Variants in LGR4 observed in about 807,000 individuals in gnomAD.
LGR4 encodes leucine-rich repeat-containing G protein-coupled receptor 4.
In LGR4, 44 loss-of-function variants were observed where a neutral mutation model predicts 84.8. That is an observed-to-expected ratio of 0.52 (90% confidence interval 0.41 to 0.67). LGR4 has a LOEUF of 0.67. Among genes scored for constraint, LGR4 ranks in the 30% least tolerant of loss-of-function variants. The pLI is 0.00. For synonymous variants in LGR4, 429 were observed against 434.3 expected (o/e 0.99, Z 0.15); for missense variants, 1,032 against 1,131.4 (o/e 0.91, Z 1.26).
chr11:27,371,670 G>A lies in LGR4; in HGVS notation c.1524C>T (p.Ser508=). ...GACTATGTTCTTCATTTTCAAGAGTGCTTGTGACATTTGCTGCATCAGCAG... is the reference window on the plus strand; with the variant it reads ...GACTATGTTCTTCATTTTCAAGAGTACTTGTGACATTTGCTGCATCAGCAG... ...KGTADAANVT[S]TLENEEHSQI... The change falls in exon 17 of 18, where the codon AGC becomes AGT. Residue 508 remains serine (S), a synonymous_variant. Transcript: ENST00000379214. 4.3e-6 allele frequency: 7 copies of A among 1,612,914 alleles called. No homozygotes were observed. The highest frequency in any genetic ancestry group is 5.1e-6 in the Non-Finnish European group (6 of 1,179,270).
intron 1 of LGR4, among the ~76,000 whole-genome samples, chr11:27,436,305 C>T (rs990098896): frequency 2.3e-5 from 3 of 132,522 alleles, no homozygotes; most frequent in Non-Finnish European, 4.7e-5. Flanking sequence ...ATCACTACAC[C>T]ATAATGCAAA....
chr11:27,375,388 G>T (rs1469180266), intron 13 of LGR4, among the ~76,000 whole-genome samples: 7 of 151,994 alleles, frequency 4.6e-5, no homozygotes, highest in African/African-American at 1.7e-4. Context: ...GATAGTGAGT[G>T]GCAAGGTTTG....
At chr11:27,409,537 AG>A (rs1415365051) in intron 2 of LGR4, among the ~76,000 whole-genome samples, 14 of 152,112 alleles carry the variant, frequency 9.2e-5, no homozygotes, top group Admixed American at 8.5e-4. Context: ...AATGGCACCC[AG>A]TTATTCAGGG....
chr11:27,470,955 T>G (rs1447828738), intron 1 of LGR4, among the ~76,000 whole-genome samples: 1 of 152,120 alleles, frequency 6.6e-6, no homozygotes, highest in African/African-American at 2.4e-5. Flanking sequence ...AAACTGTCTA[T>G]TTCTAAGAGG....
At chr11:27,371,942 C>T (rs1424547218) in intron 16 of LGR4, among the ~76,000 whole-genome samples, 1 of 152,146 alleles carries the variant, frequency 6.6e-6, no homozygotes, top group Non-Finnish European at 1.5e-5. Context: ...TCACTGCAAC[C>T]TTGAACTCCT....
At chr11:27,373,841 C>A in intron 14 of LGR4, 134 bp downstream of exon 14, 1 of 981,352 alleles carries the variant, frequency 1.0e-6, no homozygotes, top group South Asian at 1.6e-5. Context: ...AAGACTTTTA[C>A]TATAAATACA....
chr11:27,439,269 C>CT (rs1864260856), intron 1 of LGR4, among the ~76,000 whole-genome samples: 2 of 152,162 alleles, frequency 1.3e-5, no homozygotes, highest in African/African-American at 4.8e-5. Context: ...CTTTCTGTCT[C>CT]TATGAATTTT....
Position 27,368,328 on chromosome 11 carries a change from C to T in LGR4, c.2395G>A (p.Val799Ile). ...TTTGGGTTGAAGAAAACATACAGGA[C>T]TGGATTCAGGCAAGCAGGCAATGGA... The part of the protein sequence containing the change: ...FFPLPACLNP[V>I]LYVFFNPKFK... The change falls in exon 18 of 18, where the codon GTC becomes ATC. Residue 799 changes from valine to isoleucine, a missense_variant. By Grantham distance (29) the Val-to-Ile change is conservative. Transcript: ENST00000379214. 1 of 1,614,106 alleles carries T rather than the reference C, an allele frequency of 6.2e-7. No individual in the cohort carries two copies. Among genetic ancestry groups the T allele is most frequent in the Non-Finnish European group, 8.5e-7 (1 of 1,180,018 alleles).
At chr11:27,384,058 C>T (rs1863145373) in intron 6 of LGR4, among the ~76,000 whole-genome samples, 1 of 152,108 alleles carries the variant, frequency 6.6e-6, no homozygotes, top group Admixed American at 6.5e-5. Flanking sequence ...TTTAACAAAA[C>T]CAACATTTCT....
chr11:27,463,947 C>CA (rs1461783873), intron 1 of LGR4, among the ~76,000 whole-genome samples: 2 of 152,158 alleles, frequency 1.3e-5, no homozygotes, highest in Admixed American at 6.5e-5. Context: ...AACTGAAGAG[C>CA]AATTATCACA....
Position 27,440,504 on chromosome 11 carries a change from C to T in LGR4, c.186-27644G>A, listed in dbSNP as rs1198380912. On this transcript the variant is annotated intron_variant, in intron 1 of 17. Transcript: ENST00000379214. The stretch of plus-strand genomic sequence containing the variant: ...TCCAGTTTTACAGAGCACAATACCA[C>T]TGTTAAGGTGACTTTCAATACAAGT... Among the ~76,000 whole-genome samples the T allele has an allele frequency of 2.6e-5, 4 of 152,168 alleles. No individual in the cohort carries two copies. In the East Asian group the frequency reaches 7.7e-4, roughly 29 times the overall value.
intron 2 of LGR4, among the ~76,000 whole-genome samples, chr11:27,407,934 C>T (rs1033280744): frequency 2.0e-5 from 3 of 152,008 alleles, no homozygotes; most frequent in African/African-American, 7.2e-5. Context: ...AGAAAGTTAA[C>T]ATTTGGGAAA....
At chr11:27,371,072 A>C (rs1862874634) in intron 17 of LGR4, among the ~76,000 whole-genome samples, 1 of 152,198 alleles carries the variant, frequency 6.6e-6, no homozygotes, top group South Asian at 2.1e-4. Context: ...TATTATACCA[A>C]CAAAGGAATC....
Position 27,472,494 on chromosome 11 carries a change from C to T in LGR4, c.-192G>A. 1 of 401,490 alleles carries T rather than the reference C, an allele frequency of 2.5e-6. No homozygotes were observed. Among genetic ancestry groups the T allele is most frequent in the East Asian group, 3.7e-5 (1 of 26,966 alleles). The allele number at this position is 401,490 out of a possible 1,614,324, so 24.9% of individuals were successfully genotyped here. On this transcript the variant is annotated 5_prime_UTR_variant, in exon 1 of 18. Transcript: ENST00000379214. ...AGGGACGCGGCGCTCCGGAGTTTCG[C>T]CCTTCCCGCTGCTCCATGGACGCGC...
At position 27,469,670 on chromosome 11, in the gene LGR4, C is replaced by T. The variant is rs894950121; in HGVS notation, c.185+2448G>A. Among the ~76,000 whole-genome samples, 4 of 152,158 alleles carry T rather than the reference C, an allele frequency of 2.6e-5. No individual in the cohort carries two copies. In the South Asian group the frequency reaches 8.3e-4, roughly 32 times the overall value. ...AGTAATTATAGTTTCATCTTTTTAA[C>T]TTCTACTTTCATGATTGTAATTTTC... On this transcript the variant is annotated intron_variant, in intron 1 of 17. Coordinates refer to ENST00000379214, the MANE Select transcript of LGR4 (RefSeq NM_018490.5).
At chr11:27,415,031 C>G (rs147569147) in intron 1 of LGR4, among the ~76,000 whole-genome samples, 146 of 152,244 alleles carry the variant, frequency 9.6e-4, no homozygotes, top group African/African-American at 3.4e-3. Flanking sequence ...AAGACTATCC[C>G]TCTGTCATTA....
chr11:27,372,807 C>T (rs1862909889), intron 15 of LGR4, among the ~76,000 whole-genome samples: 2 of 152,232 alleles, frequency 1.3e-5, no homozygotes, highest in Admixed American at 6.5e-5. Context: ...AATATATTTA[C>T]TTGGTTTAAA....
chr11:27,403,082 A>T lies in LGR4; in HGVS notation c.257+9707T>A, dbSNP rs1863534491. Among the ~76,000 whole-genome samples, 3 of 152,252 alleles carry T rather than the reference A, an allele frequency of 2.0e-5. No homozygotes were observed. In the South Asian group the frequency reaches 6.2e-4, roughly 31 times the overall value. On this transcript the variant is annotated intron_variant, in intron 2 of 17. Coordinates refer to ENST00000379214, the MANE Select transcript of LGR4 (RefSeq NM_018490.5). ...CAGCTAAATCTAATTGTAATGTAAGAATTTAGGAAAAGAGCTAAATTTGGC... is the reference window on the plus strand; with the variant it reads ...CAGCTAAATCTAATTGTAATGTAAGTATTTAGGAAAAGAGCTAAATTTGGC...
chr11:27,393,952 G>A (rs1002167024), intron 2 of LGR4, among the ~76,000 whole-genome samples: 2 of 115,540 alleles, frequency 1.7e-5, no homozygotes, highest in East Asian at 3.5e-4. Flanking sequence ...GGGGGGGGGG[G>A]GGCGCGGGAA....
Sources: allele counts gnomAD v4.1 joint callset (sites outside exome capture counted in the v4.1 genomes callset), GRCh38; gene constraint gnomAD v4.1.1; transcripts MANE v1.5; gene names NCBI Gene and HGNC (gene_info 2026-07-23, HGNC 2026-07-21).